SDK1: variants seen among roughly 807,000 people sequenced by gnomAD.
The protein encoded by SDK1 is protein sidekick-1.
In SDK1, 157 loss-of-function variants were observed where a neutral mutation model predicts 245.5. The observed-to-expected ratio is 0.64, with a 90% CI of 0.56 to 0.73. The LOEUF is 0.73. Ranked by LOEUF, SDK1 falls within the 30% of genes least tolerant of loss-of-function variation. SDK1 has a pLI of 0.00. For missense variants in SDK1, 3,583 were observed against 3,002.3 expected (o/e 1.19, Z -4.52); for synonymous variants, 1,647 against 1,278.5 (o/e 1.29, Z -6.15).
intron 20 of SDK1, among the ~76,000 whole-genome samples, chr7:4,068,756 C>T (rs563769591): frequency 7.0e-6 from 1 of 143,718 alleles, no homozygotes; most frequent in African/African-American, 2.9e-5. Flanking sequence ...GGGTCTTGCT[C>T]TCTCGCCCAG....
At chr7:4,053,403 G>A (rs1196403119) in intron 19 of SDK1, among the ~76,000 whole-genome samples, 1 of 151,980 alleles carries the variant, frequency 6.6e-6, no homozygotes, top group African/African-American at 2.4e-5. Flanking sequence ...CTTTCTAAGG[G>A]TCCTCCGTCA....
intron 5 of SDK1, among the ~76,000 whole-genome samples, chr7:3,926,751 G>A (rs951460973): frequency 2.0e-5 from 3 of 152,186 alleles, no homozygotes; most frequent in African/African-American, 7.2e-5. Flanking sequence ...GACTCCGTAA[G>A]GCACGGTGGT....
chr7:3,459,673 C>T (rs972619932), intron 1 of SDK1, among the ~76,000 whole-genome samples: 16 of 152,256 alleles, frequency 1.1e-4, no homozygotes, highest in African/African-American at 3.4e-4. Flanking sequence ...TAAATTGCTT[C>T]GTCGCATATT....
At chr7:3,826,824 C>T (rs145950311) in intron 5 of SDK1, among the ~76,000 whole-genome samples, 95 of 152,184 alleles carry the variant, frequency 6.2e-4, no homozygotes, top group African/African-American at 1.8e-3. Context: ...GGTGAGAAAA[C>T]ATAAGTTAAA....
chr7:3,627,366 C>T (rs1196136150), intron 2 of SDK1, among the ~76,000 whole-genome samples: 2 of 152,146 alleles, frequency 1.3e-5, no homozygotes, highest in East Asian at 3.9e-4. Flanking sequence ...TACAATGAGT[C>T]CCTGATCTGG....
At chr7:4,206,069 T>C in intron 36 of SDK1, 75 bp downstream of exon 36, 1 of 993,864 alleles carries the variant, frequency 1.0e-6, no homozygotes, top group Non-Finnish European at 1.5e-6. Flanking sequence ...GCCTACTGCA[T>C]TGCCAGCAGC....
At chr7:3,688,207 G>C (rs1784346085) in intron 4 of SDK1, among the ~76,000 whole-genome samples, 1 of 152,190 alleles carries the variant, frequency 6.6e-6, no homozygotes, top group Non-Finnish European at 1.5e-5. Context: ...GGCTTTTAAA[G>C]TGTTTCTTAG....
chr7:4,077,465 T>G (rs1780766202), intron 21 of SDK1, among the ~76,000 whole-genome samples: 1 of 152,274 alleles, frequency 6.6e-6, no homozygotes, highest in African/African-American at 2.4e-5. Context: ...TAAAGCCAGT[T>G]CCCAATGCAT....
chr7:3,822,622 A>C (rs1562469678), intron 5 of SDK1, among the ~76,000 whole-genome samples: 1 of 151,986 alleles, frequency 6.6e-6, no homozygotes, highest in African/African-American at 2.4e-5. Flanking sequence ...ATGCAAAATT[A>C]GCAGGCATGG....
chr7:3,471,232 TC>T (rs1273622113), intron 1 of SDK1, among the ~76,000 whole-genome samples: 1 of 152,158 alleles, frequency 6.6e-6, no homozygotes, highest in Non-Finnish European at 1.5e-5. Flanking sequence ...GTCCTATTAA[TC>T]CCTTTGAGTC....
chr7:4,153,664 G>A (rs961060911), intron 30 of SDK1, among the ~76,000 whole-genome samples: 3 of 152,200 alleles, frequency 2.0e-5, no homozygotes, highest in Middle Eastern at 3.4e-3. Context: ...CAATAGTGAG[G>A]TCTAAGTGTT....
Position 3,515,474 on chromosome 7 carries a change from G to A in SDK1, c.299-103606G>A, listed in dbSNP as rs149994367. On this transcript the variant is annotated intron_variant, in intron 1 of 44. Transcript: ENST00000404826. ...TAAAACTATCATAATTTCTAACTCT[G>A]TAACTTCATGAATGATTTTATTTAA... Among the ~76,000 whole-genome samples the A allele has an allele frequency of 3.1e-3, 467 of 152,124 alleles. 1 individual carries two copies. Among genetic ancestry groups the A allele is most frequent in the Non-Finnish European group, 3.8e-3 (260 of 68,000 alleles).
At chr7:3,850,516 C>G (rs1224075099) in intron 5 of SDK1, among the ~76,000 whole-genome samples, 3 of 152,058 alleles carry the variant, frequency 2.0e-5, no homozygotes, top group Admixed American at 2.0e-4. Context: ...GGTATATACC[C>G]AAATGATTAT....
chr7:3,766,045 A>C (rs1266112718), intron 4 of SDK1, among the ~76,000 whole-genome samples: 8 of 152,176 alleles, frequency 5.3e-5, no homozygotes, highest in African/African-American at 1.7e-4. Context: ...TAAGTGTATC[A>C]TTTATTTTAC....
chr7:3,950,854 C>A, intron 5 of SDK1, 69 bp from the exon 6 acceptor site: 2 of 1,208,588 alleles, frequency 1.7e-6, no homozygotes, highest in Non-Finnish European at 2.4e-6. Flanking sequence ...GAACGTGTCC[C>A]CTCAGATAAC....
intron 4 of SDK1, among the ~76,000 whole-genome samples, chr7:3,684,647 T>C (rs889658986): frequency 3.3e-5 from 5 of 152,152 alleles, no homozygotes; most frequent in African/African-American, 1.2e-4. Flanking sequence ...GAAAAGCCAA[T>C]TATCAGATGC....
At chr7:3,499,684 C>T (rs1215746229) in intron 1 of SDK1, among the ~76,000 whole-genome samples, 2 of 152,214 alleles carry the variant, frequency 1.3e-5, no homozygotes, top group African/African-American at 2.4e-5. Flanking sequence ...GTTGCCACTG[C>T]AGGCTACTAT....
chr7:3,859,083 C>A (rs555504000), intron 5 of SDK1, among the ~76,000 whole-genome samples: 2 of 151,594 alleles, frequency 1.3e-5, no homozygotes, highest in Non-Finnish European at 2.9e-5. Flanking sequence ...AGGATGGTCT[C>A]GAACTCCTGA....
At chr7:4,204,699 C>G (rs147556950) in intron 35 of SDK1, among the ~76,000 whole-genome samples, 1 of 152,180 alleles carries the variant, frequency 6.6e-6, no homozygotes, top group South Asian at 2.1e-4. Flanking sequence ...GCCGCAGCCC[C>G]GGCGGCAGGC....
Sources: allele counts gnomAD v4.1 joint callset (sites outside exome capture counted in the v4.1 genomes callset), GRCh38; gene constraint gnomAD v4.1.1; transcripts MANE v1.5; gene names NCBI Gene and HGNC (gene_info 2026-07-23, HGNC 2026-07-21).